The following PADI4 variants were observed in gnomAD, a reference collection of about 807,000 sequenced individuals.
The protein encoded by PADI4 is peptidyl arginine deiminase 4, also known as protein-arginine deiminase type-4.
A neutral mutation model predicts 75.0 loss-of-function variants in PADI4; 62 were observed. The observed-to-expected ratio is 0.83, with a 90% CI of 0.67 to 1.02. The LOEUF (loss-of-function observed/expected upper bound fraction) is 1.02. PADI4 is among the 50% of genes least tolerant of loss of function. PADI4 has a pLI of 0.00. For synonymous variants in PADI4, 361 were observed against 348.1 expected, an observed-to-expected ratio of 1.04 and a Z score of -0.41; for missense variants, 845 against 850.5, an observed-to-expected ratio of 0.99 and a Z score of 0.08.
In PADI4 at chr1:17,346,317, C is replaced by T. The variant is rs114605970; in HGVS notation, c.1047+178C>T. ...AGGCTCAAGCAAGTGATTCATCTGA[C>T]GTTTGCTGTGGGCCACTGCAGGCCC... On this transcript the variant is annotated intron_variant, in intron 9 of 15. Transcript: ENST00000375448. This position sits in a 1 kb window ranked among gnomAD's most constrained non-coding sequence, Gnocchi z 4.3. 8.2e-3 allele frequency among the ~76,000 whole-genome samples: 1,245 copies of T among 152,288 alleles called. 21 individuals are homozygous for T. The highest frequency in any genetic ancestry group is 0.028 in the African/African-American group (1,157 of 41,570).
chr1:17,311,650 C>A lies in PADI4; in HGVS notation c.92+3336C>A, dbSNP rs6586520. The stretch of plus-strand genomic sequence containing the variant: ...CGCAATTCTCCTGCCTCAGCCTCCC[C>A]AGTAGCTGGGACTACAGGCGCCTGC... On this transcript the variant is annotated intron_variant, in intron 1 of 15. Transcript: ENST00000375448. 4.0e-5 allele frequency among the ~76,000 whole-genome samples: 6 copies of A among 151,810 alleles called. No homozygotes were observed. The East Asian group carries it at 9.8e-4, about 25-fold the overall frequency.
chr1:17,315,840 A>T (rs1391551121), intron 1 of PADI4, among the ~76,000 whole-genome samples: 1 of 151,938 alleles, frequency 6.6e-6, no homozygotes, highest in Non-Finnish European at 1.5e-5. Flanking sequence ...GGGATCCTAC[A>T]CTGGGTTCCC....
intron 15 of PADI4, among the ~76,000 whole-genome samples, chr1:17,360,098 T>C (rs2074827707): frequency 6.6e-6 from 1 of 152,144 alleles, no homozygotes; most frequent in Non-Finnish European, 1.5e-5. Flanking sequence ...GACACCAGCC[T>C]GGCTAACATG....
At chr1:17,348,265 C>T (rs2074555583) in intron 10 of PADI4, 5 of 422,704 alleles carry the variant, frequency 1.2e-5, no homozygotes, top group South Asian at 4.0e-5. Flanking sequence ...CCTTGTCACC[C>T]GTGAGCTCAG....
chr1:17,347,842 G>C (rs1422019205), intron 9 of PADI4, 99 bp from the exon 10 acceptor site: 2 of 609,918 alleles, frequency 3.3e-6, no homozygotes, highest in Non-Finnish European at 5.9e-6. Flanking sequence ...TTGACTGCAA[G>C]GGTGAGAGTG....
In PADI4 at chr1:17,342,331, C is replaced by A. The variant is rs145395275; in HGVS notation, c.864C>A (p.Ser288Arg). 27 of 1,613,736 alleles carry A rather than the reference C, an allele frequency of 1.7e-5. No individual in the cohort carries two copies. The highest frequency in any genetic ancestry group is 2.3e-5 in the Non-Finnish European group (27 of 1,179,706). ...CCGAGGCTGTGGTGTTCCAAGACAG[C>A]GTGGTCTTCCGCGTGGCGCCCTGGA... The part of the protein sequence containing the change: ...ELPEAVVFQD[S>R]VVFRVAPWIM... Residue 288 changes from serine (S) to arginine (R), a missense_variant, in exon 8 of 16, where the codon AGC becomes AGA. Coordinates refer to ENST00000375448, the MANE Select transcript of PADI4 (RefSeq NM_012387.3).
intron 1 of PADI4, among the ~76,000 whole-genome samples, chr1:17,309,943 G>A (rs575274524): frequency 6.6e-6 from 1 of 152,194 alleles, no homozygotes; most frequent in African/African-American, 2.4e-5. Flanking sequence ...TAGTAATCAA[G>A]ATCACAAGTG....
chr1:17,323,314 T>C lies in PADI4; in HGVS notation c.93-7655T>C, dbSNP rs1008984961. Among the ~76,000 whole-genome samples, 6 of 124,054 alleles carry C rather than the reference T, an allele frequency of 4.8e-5. No homozygotes were observed. In the East Asian group the frequency reaches 1.5e-3, roughly 31 times the overall value. 81.4% of individuals were successfully genotyped at this position (124,054 alleles called of 152,430 possible). On this transcript the variant is annotated intron_variant, in intron 1 of 15. Coordinates refer to ENST00000375448, the MANE Select transcript of PADI4 (RefSeq NM_012387.3). ...TATTGTAACCTTATGACAGAAGTGATATTCCAGCACTTTTACTTCCTTGGT... is the reference window on the plus strand; with the variant it reads ...TATTGTAACCTTATGACAGAAGTGACATTCCAGCACTTTTACTTCCTTGGT...
At chr1:17,330,401 A>T (rs2074188909) in intron 1 of PADI4, among the ~76,000 whole-genome samples, 1 of 152,122 alleles carries the variant, frequency 6.6e-6, no homozygotes, top group Admixed American at 6.6e-5. Context: ...ATTAGGGAGA[A>T]CTGGCTCACA....
intron 1 of PADI4, among the ~76,000 whole-genome samples, chr1:17,311,495 C>A (rs2073827015): frequency 6.6e-6 from 1 of 151,656 alleles, no homozygotes; most frequent in Non-Finnish European, 1.5e-5. Context: ...CATCTATGGT[C>A]TCTCTTCTTC....
At chr1:17,345,571 C>T (rs552078527) in intron 8 of PADI4, among the ~76,000 whole-genome samples, 4 of 152,308 alleles carry the variant, frequency 2.6e-5, no homozygotes, top group South Asian at 2.1e-4. Flanking sequence ...TAATTTGAAT[C>T]ATGGTGGCAG....
chr1:17,316,727 T>A (rs12405468), intron 1 of PADI4, among the ~76,000 whole-genome samples: 39,417 of 142,856 alleles, frequency 0.28, 5,469 homozygotes, highest in South Asian at 0.38. Context: ...ATTAATTAAT[T>A]AATTAAAATA....
At chr1:17,357,659 G>A (rs1201751085) in intron 13 of PADI4, among the ~76,000 whole-genome samples, 3 of 152,064 alleles carry the variant, frequency 2.0e-5, no homozygotes, top group African/African-American at 7.2e-5. Context: ...TAGGCTGGGC[G>A]CGATGGTTCA....
At chr1:17,312,197 C>T (rs1385935490) in intron 1 of PADI4, among the ~76,000 whole-genome samples, 1 of 152,064 alleles carries the variant, frequency 6.6e-6, no homozygotes, top group African/African-American at 2.4e-5. Flanking sequence ...TGGTGGCTCA[C>T]GCCTGTAATC....
At chr1:17,347,240 A>G (rs2074533267) in intron 9 of PADI4, among the ~76,000 whole-genome samples, 2 of 152,072 alleles carry the variant, frequency 1.3e-5, no homozygotes, top group African/African-American at 4.8e-5. Context: ...CCTGGCCGCC[A>G]TTCCATTTTT....
chr1:17,361,324 C>T (rs926795369), intron 15 of PADI4, among the ~76,000 whole-genome samples: 11 of 152,276 alleles, frequency 7.2e-5, no homozygotes, highest in African/African-American at 2.4e-4. Flanking sequence ...GCCAGGCTTC[C>T]CAGTGCGGGA....
chr1:17,334,143 C>G (rs780898358), intron 3 of PADI4, 134 bp downstream of exon 3: 1 of 647,390 alleles, frequency 1.5e-6, no homozygotes. Flanking sequence ...TGGTTTCTAG[C>G]CAGTCAGACA....
At chr1:17,337,969 A>G (rs2074346022) in intron 4 of PADI4, 69 bp from the exon 5 acceptor site, 1 of 769,468 alleles carries the variant, frequency 1.3e-6, no homozygotes, top group Non-Finnish European at 2.2e-6. Context: ...GGGAGTTGCT[A>G]TGCCTCTTGC....
At chr1:17,359,218 C>CT in intron 14 of PADI4, 62 bp from the exon 15 acceptor site, 1 of 519,090 alleles carries the variant, frequency 1.9e-6, no homozygotes, top group South Asian at 2.1e-5. Flanking sequence ...CCCACACTGT[C>CT]CCCCACCCCC....
Sources: allele counts gnomAD v4.1 joint callset (sites outside exome capture counted in the v4.1 genomes callset), GRCh38; gene constraint gnomAD v4.1.1; non-coding constraint Gnocchi (gnomAD v3.1); transcripts MANE v1.5; gene names NCBI Gene and HGNC (gene_info 2026-07-23, HGNC 2026-07-21).